Variants in MIPOL1 observed in about 807,000 individuals in gnomAD.
MIPOL1 encodes mirror-image polydactyly 1.
A neutral mutation model predicts 60.9 loss-of-function variants in MIPOL1; 57 were observed. The ratio of observed to expected loss-of-function variants is 0.94; its 90% CI spans 0.76 to 1.17. The LOEUF (loss-of-function observed/expected upper bound fraction) is 1.17, where lower values mean the gene tolerates loss of function less well. Among genes scored for constraint, MIPOL1 ranks in the 50% most tolerant of loss-of-function variants. MIPOL1 has a pLI of 0.00. For missense variants in MIPOL1, 551 were observed against 511.6 expected, an observed-to-expected ratio of 1.08 and a Z score of -0.74; for synonymous variants, 179 against 168.8, an observed-to-expected ratio of 1.06 and a Z score of -0.47.
intron 9 of MIPOL1, among the ~76,000 whole-genome samples, chr14:37,342,878 G>T (rs1174101230): frequency 6.6e-6 from 1 of 150,618 alleles, no homozygotes; most frequent in Non-Finnish European, 1.5e-5. Flanking sequence ...CTTCAAATTA[G>T]TCTTTTATGG....
intron 11 of MIPOL1, among the ~76,000 whole-genome samples, chr14:37,490,523 C>G (rs1032784721): frequency 6.6e-6 from 1 of 152,156 alleles, no homozygotes; most frequent in Admixed American, 6.5e-5. Flanking sequence ...GCAGCTAGCT[C>G]GGTGTCTGCC....
At chr14:37,466,123 A>G (rs1214996611) in intron 11 of MIPOL1, among the ~76,000 whole-genome samples, 1 of 152,176 alleles carries the variant, frequency 6.6e-6, no homozygotes, top group Non-Finnish European at 1.5e-5. Context: ...CAGAAATTTT[A>G]TAACATTTCC....
At chr14:37,394,830 A>G (rs1457151673) in intron 10 of MIPOL1, among the ~76,000 whole-genome samples, 1 of 152,042 alleles carries the variant, frequency 6.6e-6, no homozygotes, top group Non-Finnish European at 1.5e-5. Flanking sequence ...TGGTCATGAA[A>G]TCCTTGCCTA....
intron 10 of MIPOL1, among the ~76,000 whole-genome samples, chr14:37,404,292 C>G (rs962331066): frequency 1.3e-5 from 2 of 152,060 alleles, no homozygotes; most frequent in Non-Finnish European, 2.9e-5. Context: ...TTGCTTCTAC[C>G]AGTCACCTAG....
intron 9 of MIPOL1, among the ~76,000 whole-genome samples, chr14:37,309,398 C>CT (rs2087098928): frequency 6.6e-6 from 1 of 152,106 alleles, no homozygotes; most frequent in Non-Finnish European, 1.5e-5. Flanking sequence ...TGTCACTTCT[C>CT]TTGTTTTGTT....
At chr14:37,358,182 T>C (rs1170521349) in intron 9 of MIPOL1, among the ~76,000 whole-genome samples, 3 of 152,228 alleles carry the variant, frequency 2.0e-5, no homozygotes, top group Non-Finnish European at 4.4e-5. Flanking sequence ...TCCTTTTTTA[T>C]GGCTGCATAG....
intron 1 of MIPOL1, among the ~76,000 whole-genome samples, chr14:37,234,942 A>AT (rs5807941): frequency 0.23 from 26,359 of 116,864 alleles, 3,337 homozygotes; most frequent in East Asian, 0.32. Flanking sequence ...CGTACGGCTA[A>AT]TTTTTTTTTT....
At chr14:37,520,008 T>A (rs1308311056) in intron 12 of MIPOL1, among the ~76,000 whole-genome samples, 1 of 152,196 alleles carries the variant, frequency 6.6e-6, no homozygotes, top group Non-Finnish European at 1.5e-5. Flanking sequence ...AGATCAATCA[T>A]CATATCTATC....
chr14:37,253,589 G>T (rs562271672), intron 3 of MIPOL1, among the ~76,000 whole-genome samples: 1 of 151,822 alleles, frequency 6.6e-6, no homozygotes, highest in Non-Finnish European at 1.5e-5. Context: ...GTAAATCGTG[G>T]TGATTGTCTT....
intron 9 of MIPOL1, among the ~76,000 whole-genome samples, chr14:37,331,952 C>CA (rs1323764801): frequency 6.6e-6 from 1 of 151,982 alleles, no homozygotes; most frequent in Non-Finnish European, 1.5e-5. Flanking sequence ...AGTTCAAGAC[C>CA]AGCCTGGCCA....
At chr14:37,431,806 C>T (rs1359777057) in intron 11 of MIPOL1, among the ~76,000 whole-genome samples, 1 of 151,084 alleles carries the variant, frequency 6.6e-6, no homozygotes, top group African/African-American at 2.4e-5. Context: ...AGGATGGTCT[C>T]GGTCTCCTGA....
intron 7 of MIPOL1, among the ~76,000 whole-genome samples, chr14:37,296,320 T>C (rs1450000630): frequency 6.6e-6 from 1 of 151,454 alleles, no homozygotes; most frequent in Non-Finnish European, 1.5e-5. Context: ...TAGAGGGAAA[T>C]TTATAGCACT....
chr14:37,368,957 A>G (rs2153494985), intron 9 of MIPOL1, among the ~76,000 whole-genome samples: 1 of 152,206 alleles, frequency 6.6e-6, no homozygotes, highest in Non-Finnish European at 1.5e-5. Flanking sequence ...TTTGGTCAAA[A>G]TGGGAGAAAT....
intron 9 of MIPOL1, among the ~76,000 whole-genome samples, chr14:37,332,605 GGAAGA>G (rs1567508987): frequency 1.3e-5 from 2 of 152,104 alleles, no homozygotes; most frequent in Non-Finnish European, 1.5e-5. Flanking sequence ...AAAATTGTAA[GGAAGA>G]GAAAATACAT....
At chr14:37,519,944 A>G (rs1375517375) in intron 12 of MIPOL1, among the ~76,000 whole-genome samples, 2 of 152,064 alleles carry the variant, frequency 1.3e-5, no homozygotes, top group East Asian at 1.9e-4. Flanking sequence ...AACCTTCACC[A>G]CTTTTATCAA....
At chr14:37,510,109 A>G (rs1420191516) in intron 12 of MIPOL1, among the ~76,000 whole-genome samples, 2 of 151,996 alleles carry the variant, frequency 1.3e-5, no homozygotes, top group African/African-American at 4.8e-5. Context: ...TGAACCATAC[A>G]TATGTCTATA....
At chr14:37,449,734 C>T (rs551128630) in intron 11 of MIPOL1, among the ~76,000 whole-genome samples, 1 of 152,188 alleles carries the variant, frequency 6.6e-6, no homozygotes, top group Admixed American at 6.5e-5. Flanking sequence ...CTTACTTGAG[C>T]CATGACTTTC....
chr14:37,241,295 A>T (rs750113553), intron 1 of MIPOL1, among the ~76,000 whole-genome samples: 5 of 152,050 alleles, frequency 3.3e-5, no homozygotes, highest in Admixed American at 6.5e-5. Context: ...GCCCACCTAC[A>T]TTAGGGAGGG....
chr14:37,456,064 G>A (rs2094473489), intron 11 of MIPOL1, among the ~76,000 whole-genome samples: 1 of 151,820 alleles, frequency 6.6e-6, no homozygotes, highest in South Asian at 2.1e-4. Flanking sequence ...AGAATCCTTG[G>A]TCTTATCAAT....
Sources: gnomAD v4.1 joint callset for allele counts (sites outside exome capture counted in the v4.1 genomes callset) on GRCh38, gnomAD v4.1.1 for gene constraint, MANE v1.5 for transcripts, NCBI Gene and HGNC (gene_info 2026-07-23, HGNC 2026-07-21) for gene names.